SLX9: variants seen among roughly 807,000 people sequenced by gnomAD.
SLX9 encodes SLX9 ribosome biogenesis factor, also known as ribosome biogenesis protein SLX9 homolog.
A neutral mutation model predicts 20.8 loss-of-function variants in SLX9; 19 were observed. The ratio of observed to expected loss-of-function variants is 0.91; its 90% CI spans 0.64 to 1.34. The LOEUF is 1.34. SLX9 is among the 40% of genes most tolerant of loss of function. The pLI is 0.00. For missense variants in SLX9, 299 were observed against 322.2 expected, an observed-to-expected ratio of 0.93 and a Z score of 0.55; for synonymous variants, 113 against 137.1, an observed-to-expected ratio of 0.82 and a Z score of 1.23.
At position 44,960,094 on chromosome 21, in the gene SLX9, C is replaced by T; in HGVS notation, c.284-6C>T. 6.2e-7 allele frequency: 1 copy of T among 1,614,182 alleles called. No individual in the cohort carries two copies. The highest frequency in any genetic ancestry group is 8.5e-7 in the Non-Finnish European group (1 of 1,179,998). ...TTTTGCTCACTCCCGTGTTCTCTTTCCTCAGGTGCAGAGGCCAAGACCGTT... is the reference window on the plus strand; with the variant it reads ...TTTTGCTCACTCCCGTGTTCTCTTTTCTCAGGTGCAGAGGCCAAGACCGTT... On this transcript the variant is annotated splice_region_variant and splice_polypyrimidine_tract_variant and intron_variant, in intron 2 of 5. Transcript: ENST00000291634.
chr21:44,971,905 T>C (rs568206090), intron 4 of SLX9, among the ~76,000 whole-genome samples: 1 of 152,242 alleles, frequency 6.6e-6, no homozygotes, highest in South Asian at 2.1e-4. Flanking sequence ...TGAATGGAGC[T>C]GTGGCTTTGA....
At chr21:44,975,803 G>A (rs373684272) in intron 5 of SLX9, among the ~76,000 whole-genome samples, 8 of 152,376 alleles carry the variant, frequency 5.3e-5, no homozygotes, top group South Asian at 2.1e-4. Context: ...AGCCCTGACC[G>A]CCTCCTGCTG....
intron 4 of SLX9, among the ~76,000 whole-genome samples, chr21:44,970,580 G>T (rs1461094487): frequency 3.0e-4 from 45 of 152,230 alleles, no homozygotes; most frequent in Admixed American, 2.9e-3. Context: ...GGTTTGGCGT[G>T]CCTGGGCGGC....
chr21:44,958,094 C>T (rs573627022), intron 2 of SLX9, among the ~76,000 whole-genome samples: 2 of 152,358 alleles, frequency 1.3e-5, no homozygotes, highest in Non-Finnish European at 2.9e-5. Flanking sequence ...TCCTGGTGCC[C>T]ACTCGGACTT....
chr21:44,944,986 C>G (rs891040131), intron 2 of SLX9, among the ~76,000 whole-genome samples: 5 of 152,194 alleles, frequency 3.3e-5, no homozygotes, highest in Admixed American at 2.0e-4. Flanking sequence ...GTGGAGGCGC[C>G]CGCTCTGCAT....
Position 44,940,056 on chromosome 21 carries a change from A to G in SLX9, c.-2A>G. The G allele has an allele frequency of 6.9e-7, 1 of 1,455,228 alleles. No individual in the cohort carries two copies. Among genetic ancestry groups the G allele is most frequent in the Non-Finnish European group, 9.1e-7 (1 of 1,103,938 alleles). The allele number at this position is 1,455,228 out of a possible 1,614,324, so 90.1% of individuals were successfully genotyped here. ...GCACGTTTGCCGTGCTCCGCCGGGA[A>G]GATGGGGAAAGTGAGGGGGTTGCGC... is the stretch of plus-strand genomic sequence containing the variant. On this transcript the variant is annotated 5_prime_UTR_variant, in exon 1 of 6. Transcript: ENST00000291634.
intron 3 of SLX9, among the ~76,000 whole-genome samples, chr21:44,963,827 G>A (rs947936293): frequency 6.6e-6 from 1 of 152,206 alleles, no homozygotes; most frequent in Non-Finnish European, 1.5e-5. Context: ...GATTAATCTG[G>A]AAGTCAGATA....
At chr21:44,974,932 T>C (rs1463035633) in intron 5 of SLX9, among the ~76,000 whole-genome samples, 1 of 152,176 alleles carries the variant, frequency 6.6e-6, no homozygotes, top group Non-Finnish European at 1.5e-5. Flanking sequence ...GCAGACTGTC[T>C]GTCGCCCGCA....
At chr21:44,943,907 G>T in intron 2 of SLX9, 70 bp downstream of exon 2, 1 of 1,597,778 alleles carries the variant, frequency 6.3e-7, no homozygotes, top group Non-Finnish European at 8.5e-7. Context: ...AGGCACCCGA[G>T]GTCTCAGCAG....
intron 2 of SLX9, among the ~76,000 whole-genome samples, chr21:44,953,742 C>T (rs1011157924): frequency 2.0e-5 from 3 of 152,168 alleles, no homozygotes; most frequent in Admixed American, 6.5e-5. Flanking sequence ...AGTGCAGTAG[C>T]GTGACCTTGG....
At chr21:44,946,540 A>G (rs976920152) in intron 2 of SLX9, among the ~76,000 whole-genome samples, 1 of 152,228 alleles carries the variant, frequency 6.6e-6, no homozygotes, top group African/African-American at 2.4e-5. Flanking sequence ...GGCTTTGTGC[A>G]CTGCCCATGG....
chr21:44,946,849 C>G (rs2084652134), intron 2 of SLX9, among the ~76,000 whole-genome samples: 1 of 152,208 alleles, frequency 6.6e-6, no homozygotes, highest in East Asian at 1.9e-4. Context: ...ACAGAGGGCT[C>G]AGACGGAGGG....
chr21:44,954,478 C>T (rs534469605), intron 2 of SLX9, among the ~76,000 whole-genome samples: 23 of 152,220 alleles, frequency 1.5e-4, no homozygotes, highest in African/African-American at 4.8e-4. Context: ...TTGGGAGCTC[C>T]GGCCGTCGGC....
chr21:44,969,998 A>G (rs2085113429), intron 4 of SLX9, among the ~76,000 whole-genome samples: 1 of 152,032 alleles, frequency 6.6e-6, no homozygotes, highest in African/African-American at 2.4e-5. Context: ...GGGTTTGGGG[A>G]GGAAGCCCCC....
chr21:44,969,239 A>G (rs546598013), intron 4 of SLX9: 1 of 469,164 alleles, frequency 2.1e-6, no homozygotes, highest in East Asian at 7.0e-5. Context: ...CGGCGGAGGC[A>G]CCAGAGCACT....
chr21:44,943,664 G>A lies in SLX9; in HGVS notation c.130-20G>A, dbSNP rs370556723. The A allele has an allele frequency of 1.7e-5, 28 of 1,611,382 alleles. No individual in the cohort carries two copies. The highest frequency in any genetic ancestry group is 1.1e-4 in the African/African-American group (8 of 74,842). On this transcript the variant is annotated intron_variant, in intron 1 of 5. Transcript: ENST00000291634. ...AGTCTCACACCTCTTCTTTTCGTCC[G>A]TTTTTGTTGGGGACATTAGGACTGG... is the stretch of plus-strand genomic sequence containing the variant.
chr21:44,963,904 TC>T (rs1270708365), intron 3 of SLX9, among the ~76,000 whole-genome samples: 2 of 152,250 alleles, frequency 1.3e-5, no homozygotes, highest in Non-Finnish European at 2.9e-5. Context: ...CCTTGGCATT[TC>T]CATATAAATT....
At chr21:44,957,622 A>G (rs541716485) in intron 2 of SLX9, among the ~76,000 whole-genome samples, 8 of 152,254 alleles carry the variant, frequency 5.3e-5, no homozygotes, top group African/African-American at 1.9e-4. Context: ...GGGCTTGTTC[A>G]CTGCCAGTAG....
Position 44,960,126 on chromosome 21 carries a change from A to G in SLX9, c.310A>G (p.Lys104Glu). Reference sequence around the variant, plus strand: ...TGCAGAGGCCAAGACCGTTTTGCCCAAGAAGGAGAAAATGAAGCTGAGGCG... The same window carrying G: ...TGCAGAGGCCAAGACCGTTTTGCCCGAGAAGGAGAAAATGAAGCTGAGGCG... Reference protein sequence around the residue: ...RGAEAKTVLPKKEKMKLRREQ... With the variant: ...RGAEAKTVLPEKEKMKLRREQ... The change falls in exon 3 of 6, where the codon AAG (lysine) becomes GAG (glutamate). Residue 104 changes from lysine (K) to glutamate (E), a missense_variant. Transcript: ENST00000291634. The G allele has an allele frequency of 6.2e-7, 1 of 1,614,254 alleles. No homozygotes were observed. The highest frequency in any genetic ancestry group is 8.5e-7 in the Non-Finnish European group (1 of 1,180,046).
Sources: gnomAD v4.1 joint callset for allele counts (sites outside exome capture counted in the v4.1 genomes callset) on GRCh38, gnomAD v4.1.1 for gene constraint, MANE v1.5 for transcripts, NCBI Gene and HGNC (gene_info 2026-07-23, HGNC 2026-07-21) for gene names.